Variants in NTN1 observed in about 807,000 individuals in gnomAD.
NTN1 encodes the protein netrin 1.
Under a neutral mutation model 54.2 loss-of-function variants are expected in NTN1, and 11 were observed. The ratio of observed to expected loss-of-function variants is 0.20; its 90% confidence interval spans 0.13 to 0.34. The LOEUF (loss-of-function observed/expected upper bound fraction) is 0.34. Among genes scored for constraint, NTN1 ranks in the 10% least tolerant of loss-of-function variants. The pLI is 1.00. For synonymous variants in NTN1, 371 were observed against 382.0 expected (o/e 0.97, Z 0.33); for missense variants, 740 against 893.1 (o/e 0.83, Z 2.18).
chr17:9,063,056 A>G (rs1567701154), intron 2 of NTN1, among the ~76,000 whole-genome samples: 1 of 149,836 alleles, frequency 6.7e-6, no homozygotes, highest in African/African-American at 2.4e-5. Flanking sequence ...GGGAAAGACT[A>G]TTTTTTATTT....
Position 9,162,414 on chromosome 17 carries a change from CT to C in NTN1, c.1019-398del, listed in dbSNP as rs1480298571. Among the ~76,000 whole-genome samples the C allele has an allele frequency of 2.6e-5, 4 of 152,364 alleles. No individual in the cohort carries two copies. The East Asian group carries it at 7.7e-4, about 29-fold the overall frequency. ...CAGATGGCCGCCCTCTGGCAACGTCCTCACGGGATCTCTCCTCCGTGCACAT... is the reference window on the plus strand; with the variant it reads ...CAGATGGCCGCCCTCTGGCAACGTCCCACGGGATCTCTCCTCCGTGCACAT... On this transcript the variant is annotated intron_variant, in intron 2 of 6. Coordinates refer to ENST00000173229, the MANE Select transcript of NTN1 (RefSeq NM_004822.3).
chr17:9,158,041 T>C (rs1033503690), intron 2 of NTN1, among the ~76,000 whole-genome samples: 11 of 152,168 alleles, frequency 7.2e-5, no homozygotes, highest in African/African-American at 2.7e-4. Flanking sequence ...GCCCAACGCA[T>C]TTTTCCATCT....
chr17:9,044,914 G>C (rs1465880118), intron 2 of NTN1, among the ~76,000 whole-genome samples: 2 of 152,158 alleles, frequency 1.3e-5, no homozygotes, highest in African/African-American at 4.8e-5. Flanking sequence ...ATTCAGAGCA[G>C]AGTACATTAT....
chr17:9,131,880 T>C lies in NTN1; in HGVS notation c.1019-30933T>C, dbSNP rs924423916. Among the ~76,000 whole-genome samples, 7 of 152,234 alleles carry C rather than the reference T, an allele frequency of 4.6e-5. No individual in the cohort carries two copies. The Middle Eastern group carries it at 0.014, about 296-fold the overall frequency. On this transcript the variant is annotated intron_variant, in intron 2 of 6. Transcript: ENST00000173229. ...GTGCAGTAGCATGATCTCGACTCAC[T>C]GCAACCTCTGCCTCCTAGGTTCAAG...
chr17:9,008,136 T>C, the NTN1 span, among the ~76,000 whole-genome samples: 3 of 152,084 alleles, frequency 2.0e-5, no homozygotes, highest in Admixed American at 1.3e-4. Context: ...TTATTATTAA[T>C]GGCTTATTAA....
At chr17:9,236,128 G>GGT (rs1905980753) in intron 6 of NTN1, among the ~76,000 whole-genome samples, 1 of 104,536 alleles carries the variant, frequency 9.6e-6, no homozygotes. Flanking sequence ...AGAATTTGGG[G>GGT]GGGGGGGTAC....
Position 9,204,140 on chromosome 17 carries a change from C to T in NTN1, c.1412-17028C>T, listed in dbSNP as rs141601220. ...AGGGAGATTAAGAGAATGGGAATGGCAACAGGAGTGCAAGGATAGACCACC... is the reference window on the plus strand; with the variant it reads ...AGGGAGATTAAGAGAATGGGAATGGTAACAGGAGTGCAAGGATAGACCACC... On this transcript the variant is annotated intron_variant, in intron 5 of 6. Transcript: ENST00000173229. Among the ~76,000 whole-genome samples, 694 of 151,172 alleles carry T rather than the reference C, an allele frequency of 4.6e-3. 6 individuals carry two copies. Among genetic ancestry groups the T allele is most frequent in the Middle Eastern group, 0.034 (10 of 292 alleles).
chr17:9,191,712 A>C (rs1904462037), intron 5 of NTN1, among the ~76,000 whole-genome samples: 1 of 152,046 alleles, frequency 6.6e-6, no homozygotes, highest in Non-Finnish European at 1.5e-5. Flanking sequence ...AGTAATAAAA[A>C]ATTAACAAGA....
rs538458553 is a variant in NTN1 at position 9,217,395 on chromosome 17, T to G, written c.1412-3773T>G. Among the ~76,000 whole-genome samples, 20 of 152,326 alleles carry G rather than the reference T, an allele frequency of 1.3e-4. No homozygotes were observed. In the South Asian group the frequency reaches 3.7e-3, roughly 28 times the overall value. ...GAATGTTCAGGTTTCCTCATTGTCT[T>G]TATGGCTGTTTTGGAACAAAACAAG... On this transcript the variant is annotated intron_variant, in intron 5 of 6. Transcript: ENST00000173229.
intron 6 of NTN1, among the ~76,000 whole-genome samples, chr17:9,225,523 A>G (rs118127476): frequency 0.028 from 4,309 of 152,284 alleles, 130 homozygotes; most frequent in South Asian, 0.14. Flanking sequence ...CAAGGCCTCC[A>G]GTGGGCTCTG....
intron 2 of NTN1, among the ~76,000 whole-genome samples, chr17:9,150,520 C>T (rs567938148): frequency 6.6e-5 from 10 of 152,194 alleles, no homozygotes; most frequent in Non-Finnish European, 1.3e-4. Context: ...CGGACTGGAA[C>T]GTGGACGGAG....
At chr17:9,137,175 A>G (rs6503184) in intron 2 of NTN1, among the ~76,000 whole-genome samples, 106,796 of 152,058 alleles carry the variant, frequency 0.7, 39,429 homozygotes, top group East Asian at 1. Context: ...TCTGCATTTC[A>G]TCCTATGTTG....
chr17:9,232,509 G>A (rs1185462829), intron 6 of NTN1, among the ~76,000 whole-genome samples: 1 of 152,116 alleles, frequency 6.6e-6, no homozygotes, highest in Non-Finnish European at 1.5e-5. Context: ...TTTCAGTTCT[G>A]AGAGAGAGGG....
intron 5 of NTN1, among the ~76,000 whole-genome samples, chr17:9,191,728 C>A (rs1044120191): frequency 1.9e-4 from 29 of 151,852 alleles, no homozygotes; most frequent in Non-Finnish European, 3.8e-4. Context: ...CAAGAATACT[C>A]TTTTAAAAGC....
intron 2 of NTN1, among the ~76,000 whole-genome samples, chr17:9,075,061 T>A (rs2092044857): frequency 6.6e-6 from 1 of 151,168 alleles, no homozygotes; most frequent in Non-Finnish European, 1.5e-5. Flanking sequence ...CAAGTCTCTT[T>A]GAGAGGCACA....
intron 2 of NTN1, among the ~76,000 whole-genome samples, chr17:9,146,513 C>T (rs2092313618): frequency 6.6e-6 from 1 of 152,182 alleles, no homozygotes; most frequent in Non-Finnish European, 1.5e-5. Context: ...CCTTGGTCCT[C>T]AGTCCTGAAA....
At chr17:9,053,481 CA>C (rs1333066686) in intron 2 of NTN1, among the ~76,000 whole-genome samples, 1 of 152,260 alleles carries the variant, frequency 6.6e-6, no homozygotes. Context: ...TTAAGTCCTG[CA>C]GCAGAAGTTC....
intron 2 of NTN1, among the ~76,000 whole-genome samples, chr17:9,059,783 A>G (rs957922925): frequency 1.3e-5 from 2 of 150,458 alleles, no homozygotes; most frequent in East Asian, 2.0e-4. Context: ...CGGATTGTCT[A>G]TTTTAAATGA....
chr17:9,150,821 G>A (rs1179646895), intron 2 of NTN1, among the ~76,000 whole-genome samples: 5 of 152,168 alleles, frequency 3.3e-5, no homozygotes, highest in Admixed American at 6.5e-5. Context: ...AAATGACGGC[G>A]AGGTCAAGCA....
Sources: allele counts gnomAD v4.1 joint callset (sites outside exome capture counted in the v4.1 genomes callset), GRCh38; gene constraint gnomAD v4.1.1; transcripts MANE v1.5; gene names NCBI Gene and HGNC (gene_info 2026-07-23, HGNC 2026-07-21).